Variants in UGT2A1 observed in about 807,000 individuals in gnomAD.
UGT2A1 encodes the protein UDP glucuronosyltransferase family 2 member A1 complex locus.
Under a neutral mutation model 45.4 loss-of-function variants are expected in UGT2A1, and 61 were observed. The observed-to-expected ratio is 1.34, with a 90% CI of 1.09 to 1.66. The LOEUF (loss-of-function observed/expected upper bound fraction) is 1.66, where lower values mean the gene tolerates loss of function less well. Among genes scored for constraint, UGT2A1 ranks in the 40% most tolerant of loss-of-function variants. UGT2A1 has a pLI of 0.00. For synonymous variants in UGT2A1, 229 were observed against 196.2 expected (o/e 1.17, Z -1.40); for missense variants, 649 against 574.3 (o/e 1.13, Z -1.33).
intron 1 of UGT2A1, among the ~76,000 whole-genome samples, chr4:69,650,588 T>C (rs1403851091): frequency 1.3e-5 from 2 of 151,866 alleles, no homozygotes; most frequent in African/African-American, 4.8e-5. Flanking sequence ...AAATTAAAAA[T>C]GAATATACAA....
At chr4:69,615,927 A>G (rs910817211) in intron 3 of UGT2A1, among the ~76,000 whole-genome samples, 4 of 152,052 alleles carry the variant, frequency 2.6e-5, no homozygotes, top group Admixed American at 1.3e-4. Context: ...CAAATAAAGG[A>G]ATCAGTATAT....
intron 4 of UGT2A1, among the ~76,000 whole-genome samples, chr4:69,597,842 A>T (rs908285606): frequency 6.6e-5 from 10 of 152,108 alleles, no homozygotes; most frequent in African/African-American, 2.4e-4. Context: ...GATTGGCGTA[A>T]TTATTTCATC....
At chr4:69,641,411 T>C (rs1430569911) in intron 2 of UGT2A1, among the ~76,000 whole-genome samples, 1 of 151,840 alleles carries the variant, frequency 6.6e-6, no homozygotes, top group Non-Finnish European at 1.5e-5. Flanking sequence ...ACTGAAGACA[T>C]GCCCTTGCCT....
In UGT2A1 at chr4:69,647,173, T is replaced by G; in HGVS notation, c.472A>C (p.Ile158Leu). Residue 158 changes from isoleucine to leucine, a missense_variant, in exon 2 of 7, where the codon ATA (isoleucine) becomes CTA (leucine). Transcript: ENST00000286604. The part of the protein sequence containing the change: ...VSDPVFPCGD[I>L]VALKLGIPFM... ...GGAATTCCAAGTTTTAAAGCTACTA[T>G]ATCGCCACAAGGAAATACTGGATCA... is the stretch of plus-strand genomic sequence containing the variant. The G allele has an allele frequency of 6.2e-7, 1 of 1,613,134 alleles. No homozygotes were observed. Among genetic ancestry groups the G allele is most frequent in the Non-Finnish European group, 8.5e-7 (1 of 1,179,410 alleles).
At position 69,647,154 on chromosome 4, in the gene UGT2A1, C is replaced by A; in HGVS notation, c.491G>T (p.Gly164Val). ...PCGDIVALKL[G>V]IPFMYSLRFS... ...CCTCAAGGAGTACATAAATGGAATTCCAAGTTTTAAAGCTACTATATCGCC... is the reference window on the plus strand; with the variant it reads ...CCTCAAGGAGTACATAAATGGAATTACAAGTTTTAAAGCTACTATATCGCC... The change falls in exon 2 of 7, where the codon GGA (glycine) becomes GTA (valine). Residue 164 changes from glycine to valine, a missense_variant. Physicochemically the swap from Gly to Val is moderately radical, Grantham distance 109. Coordinates refer to ENST00000286604, the MANE Select transcript of UGT2A1 (RefSeq NM_001252275.3). 2 of 1,613,016 alleles carry A rather than the reference C, an allele frequency of 1.2e-6. No individual in the cohort carries two copies. The highest frequency in any genetic ancestry group is 1.7e-6 in the Non-Finnish European group (2 of 1,179,384).
chr4:69,612,637 C>G (rs1213398774), intron 3 of UGT2A1, among the ~76,000 whole-genome samples: 1 of 151,914 alleles, frequency 6.6e-6, no homozygotes, highest in Non-Finnish European at 1.5e-5. Context: ...GAAACCACTC[C>G]CTATTCAATA....
intron 3 of UGT2A1, among the ~76,000 whole-genome samples, chr4:69,618,205 G>GTGTGTA (rs1553905688): frequency 1.1e-5 from 1 of 87,892 alleles, no homozygotes; most frequent in African/African-American, 4.4e-5. Flanking sequence ...GTGTGTGTGT[G>GTGTGTA]TGTGTGTGTG....
intron 3 of UGT2A1, among the ~76,000 whole-genome samples, chr4:69,612,714 A>T (rs932392779): frequency 6.6e-6 from 1 of 152,154 alleles, no homozygotes; most frequent in East Asian, 1.9e-4. Flanking sequence ...AATTTACCCT[A>T]TAAAAACATT....
chr4:69,637,931 G>A (rs945827673), intron 2 of UGT2A1, among the ~76,000 whole-genome samples: 17 of 150,490 alleles, frequency 1.1e-4, no homozygotes, highest in Admixed American at 9.9e-4. Flanking sequence ...AGGCAGGCAG[G>A]AAGGAAGGAA....
At chr4:69,641,134 C>G (rs545534279) in intron 2 of UGT2A1, among the ~76,000 whole-genome samples, 1 of 151,712 alleles carries the variant, frequency 6.6e-6, no homozygotes, top group Non-Finnish European at 1.5e-5. Flanking sequence ...AAATATGCTC[C>G]AAAATCTCAA....
intron 2 of UGT2A1, chr4:69,639,381 T>C: frequency 6.2e-7 from 1 of 1,613,634 alleles, no homozygotes; most frequent in Non-Finnish European, 8.5e-7. Flanking sequence ...GCTCTTCTTG[T>C]AGGAAACAGG....
At chr4:69,645,080 A>G (rs2109976920) in intron 2 of UGT2A1, among the ~76,000 whole-genome samples, 1 of 151,876 alleles carries the variant, frequency 6.6e-6, no homozygotes, top group South Asian at 2.1e-4. Context: ...TTCATTAGCT[A>G]GTAAACATCT....
intron 3 of UGT2A1, among the ~76,000 whole-genome samples, chr4:69,613,844 T>TA (rs1207530140): frequency 6.6e-6 from 1 of 151,946 alleles, no homozygotes; most frequent in African/African-American, 2.4e-5. Context: ...ATAAAAGCCA[T>TA]AAACCGCAAA....
rs183834488 is a variant in UGT2A1 at position 69,636,375 on chromosome 4, G to A, written c.716-553C>T. Among the ~76,000 whole-genome samples the A allele has an allele frequency of 7.8e-4, 119 of 152,158 alleles. 1 individual carries two copies. Among genetic ancestry groups the A allele is most frequent in the African/African-American group, 2.8e-3 (117 of 41,532 alleles). The stretch of plus-strand genomic sequence containing the variant: ...GATGGCAAACAAAATACAAAATGGG[G>A]TTTTACCAGTTCTTCACAGTATACC... On this transcript the variant is annotated intron_variant, in intron 2 of 6. Coordinates refer to ENST00000286604, the MANE Select transcript of UGT2A1 (RefSeq NM_001252275.3).
At chr4:69,649,755 A>C (rs112240641) in intron 1 of UGT2A1, among the ~76,000 whole-genome samples, 1 of 152,200 alleles carries the variant, frequency 6.6e-6, no homozygotes, top group African/African-American at 2.4e-5. Context: ...ACATAATCAG[A>C]TAAAATAACT....
At chr4:69,614,485 A>T (rs1720255582) in intron 3 of UGT2A1, among the ~76,000 whole-genome samples, 1 of 151,988 alleles carries the variant, frequency 6.6e-6, no homozygotes, top group Non-Finnish European at 1.5e-5. Context: ...TAAACTTTGT[A>T]TGGAACCACA....
At chr4:69,636,573 A>G (rs555746194) in intron 2 of UGT2A1, among the ~76,000 whole-genome samples, 18 of 152,100 alleles carry the variant, frequency 1.2e-4, no homozygotes, top group Admixed American at 2.6e-4. Flanking sequence ...GCTGTTTTAC[A>G]AAGCCTTTTT....
intron 3 of UGT2A1, among the ~76,000 whole-genome samples, chr4:69,616,026 A>C (rs1252391478): frequency 6.6e-6 from 1 of 152,056 alleles, no homozygotes; most frequent in Non-Finnish European, 1.5e-5. Flanking sequence ...TCAATGGGTG[A>C]ATCAACGGAC....
At chr4:69,599,723 T>C (rs4148297) in intron 3 of UGT2A1, 111,219 of 178,010 alleles carry the variant, frequency 0.62, 35,443 homozygotes, top group East Asian at 0.72. Context: ...GAGAGAGAGA[T>C]GGAGAAAAGG....
Sources: allele counts gnomAD v4.1 joint callset (sites outside exome capture counted in the v4.1 genomes callset), GRCh38; gene constraint gnomAD v4.1.1; transcripts MANE v1.5; gene names NCBI Gene and HGNC (gene_info 2026-07-23, HGNC 2026-07-21).